Variants in COL6A2 observed in about 807,000 individuals in gnomAD.
COL6A2 encodes the protein collagen alpha-2(VI) chain.
A neutral mutation model predicts 124.9 loss-of-function variants in COL6A2; 90 were observed. The observed-to-expected ratio is 0.72, with a 90% CI of 0.61 to 0.86. The LOEUF (loss-of-function observed/expected upper bound fraction) is 0.86, where lower values mean the gene tolerates loss of function less well. COL6A2 is among the 40% of genes least tolerant of loss of function. The pLI is 0.00. For missense variants in COL6A2, 1,607 were observed against 1,502.5 expected, an observed-to-expected ratio of 1.07 and a Z score of -1.15; for synonymous variants, 793 against 618.2, an observed-to-expected ratio of 1.28 and a Z score of -4.19.
rs1555876000 is a variant in COL6A2, at chr21:46,126,468, C to CCTGG, written c.2423-34_2423-33insTGGC. ...CCGCTGAGGGTTCGCTAGGGACTGA[C>CCTGG]CCTGGCCTGGCCCGGCCTCTCTCCT... On this transcript the variant is annotated intron_variant, in intron 26 of 27. Transcript: ENST00000300527. 12 of 1,611,398 alleles carry CCTGG rather than the reference C, an allele frequency of 7.4e-6. No individual in the cohort carries two copies. The African/African-American group carries it at 1.6e-4, about 22-fold the overall frequency.
Position 46,132,291 on chromosome 21 carries a change from T to G in COL6A2, c.2799T>G (p.Arg933=). Residue 933 remains arginine (R), a synonymous_variant, in exon 28 of 28, where the codon CGT becomes CGG. Transcript: ENST00000300527. ...HAINAIVRSP[R]GGARRHAELS... is the part of the protein sequence containing the mutation. The stretch of plus-strand genomic sequence containing the variant: ...TCAATGCCATCGTGCGCAGCCCGCG[T>G]GGCGGGGCCCGGAGGCACGCAGAGC... The G allele has an allele frequency of 3.7e-6, 6 of 1,606,712 alleles. No homozygotes were observed. Among genetic ancestry groups the G allele is most frequent in the Non-Finnish European group, 5.1e-6 (6 of 1,179,310 alleles).
chr21:46,127,952 T>G (rs1159665790), intron 27 of COL6A2, among the ~76,000 whole-genome samples: 1 of 152,206 alleles, frequency 6.6e-6, no homozygotes, highest in Non-Finnish European at 1.5e-5. Context: ...CTGGCCGTGG[T>G]GTGTGGCCCT....
chr21:46,123,735 AGATGATG>A (rs919882994), intron 21 of COL6A2, among the ~76,000 whole-genome samples: 1 of 131,090 alleles, frequency 7.6e-6, no homozygotes, highest in Non-Finnish European at 1.7e-5. Flanking sequence ...GTGTGTGGTT[AGATGATG>A]GATGGCTGAA....
Position 46,125,468 on chromosome 21 carries a change from G to C in COL6A2, c.1820G>C (p.Cys607Ser). 1 of 1,612,698 alleles carries C rather than the reference G, an allele frequency of 6.2e-7. No individual in the cohort carries two copies. The highest frequency in any genetic ancestry group is 8.5e-7 in the Non-Finnish European group (1 of 1,179,780). ...YVRETCGCCD[C>S]EKRCGALDVV... ...GATGACCCTGCCACCCCCCCAGACT[G>C]TGAGAAGCGCTGTGGCGCCCTGGAC... The change falls in exon 25 of 28, where the codon TGT becomes TCT. Residue 607 changes from cysteine (C) to serine (S), a missense_variant. Around this residue, in one of 3 missense-constraint regions of COL6A2, gnomAD observed 1,223 missense variants for 1,052.2 expected, o/e 1.16. Transcript: ENST00000300527.
chr21:46,123,934 G>A lies in COL6A2; in HGVS notation c.1672-717G>A, dbSNP rs1370637749. 2.0e-5 allele frequency among the ~76,000 whole-genome samples: 3 copies of A among 149,284 alleles called. No individual in the cohort carries two copies. In the South Asian group the frequency reaches 6.5e-4, roughly 32 times the overall value. On this transcript the variant is annotated intron_variant, in intron 21 of 27. Transcript: ENST00000300527. Reference sequence around the variant, plus strand: ...GGGTGGATAGAGGATGGATGGTTGGGTAGGTGATGGGTGGATGAGTGGATA... The same window carrying A: ...GGGTGGATAGAGGATGGATGGTTGGATAGGTGATGGGTGGATGAGTGGATA...
chr21:46,123,252 C>A (rs977118393), intron 21 of COL6A2, among the ~76,000 whole-genome samples: 5 of 128,806 alleles, frequency 3.9e-5, no homozygotes, highest in African/African-American at 2.3e-4. Context: ...ACAGCATCCC[C>A]CACCAGGGTC....
intron 15 of COL6A2, 24 bp downstream of exon 15, chr21:46,119,874 C>A (rs768437720): frequency 1.9e-6 from 3 of 1,551,122 alleles, no homozygotes; most frequent in Admixed American, 3.9e-5. Context: ...TGGAGGCAGC[C>A]CAGGGTCTCA....
chr21:46,119,666 A>G (rs2078529441), intron 14 of COL6A2, 122 bp from the exon 15 acceptor site: 3 of 849,398 alleles, frequency 3.5e-6, no homozygotes, highest in Non-Finnish European at 5.7e-6. Flanking sequence ...TCGAGGTCCC[A>G]GGTCCCAAAG....
intron 21 of COL6A2, among the ~76,000 whole-genome samples, chr21:46,123,637 G>GTGGA (rs1008297930): frequency 3.3e-5 from 5 of 151,802 alleles, no homozygotes; most frequent in Non-Finnish European, 7.4e-5. Flanking sequence ...GAGTGGGTGG[G>GTGGA]TGGATGGATA....
At position 46,121,160 on chromosome 21, in the gene COL6A2, C is replaced by T. The variant is rs756093472; in HGVS notation, c.1458+37C>T. 4.4e-6 allele frequency: 7 copies of T among 1,602,014 alleles called. No individual in the cohort carries two copies. In the South Asian group the frequency reaches 6.6e-5, roughly 15 times the overall value. ...TGCAGGAGGCCGGTGCCCTCTGACC[C>T]CACGGGTGGGTCTCCCCTATCCATG... is the stretch of plus-strand genomic sequence containing the variant. On this transcript the variant is annotated intron_variant, in intron 17 of 27. Transcript: ENST00000300527.
intron 27 of COL6A2, among the ~76,000 whole-genome samples, chr21:46,131,144 T>C (rs1171397231): frequency 6.6e-6 from 1 of 152,044 alleles, no homozygotes; most frequent in Admixed American, 6.5e-5. Context: ...GTCCCTCCCC[T>C]CCCCCATCCC....
chr21:46,124,191 T>C (rs1255980910), intron 21 of COL6A2, among the ~76,000 whole-genome samples: 1 of 149,598 alleles, frequency 6.7e-6, no homozygotes, highest in Non-Finnish European at 1.5e-5. Flanking sequence ...GGTGGATGAA[T>C]GGATGGGTTA....
chr21:46,117,313 A>C (rs2078487630), intron 10 of COL6A2, 87 bp from the exon 11 acceptor site: 17 of 1,346,448 alleles, frequency 1.3e-5, no homozygotes, highest in Non-Finnish European at 1.5e-5. Flanking sequence ...CCTGCGGGGC[A>C]GAACCGGGTG....
Position 46,119,135 on chromosome 21 carries a change from C to T in COL6A2, c.1269+16C>T, listed in dbSNP as rs1198309700. The T allele has an allele frequency of 1.2e-6, 2 of 1,602,294 alleles. No individual in the cohort carries two copies. Among genetic ancestry groups the T allele is most frequent in the Non-Finnish European group, 8.5e-7 (1 of 1,172,738 alleles). ...AGGCGAGCCGGTGAGTCCCTCCTGC[C>T]CCTGCCTCAGGGCCCCGCTCTGGGC... On this transcript the variant is annotated intron_variant, in intron 14 of 27. Transcript: ENST00000300527.
At chr21:46,125,128 GAC>G in intron 23 of COL6A2, 136 bp from the exon 24 acceptor site, 1 of 1,049,090 alleles carries the variant, frequency 9.5e-7, no homozygotes. Context: ...GGTTGGTAGG[GAC>G]AGGACCCGCC....
At chr21:46,121,998 C>A in intron 18 of COL6A2, 110 bp from the exon 19 acceptor site, 1 of 1,167,156 alleles carries the variant, frequency 8.6e-7, no homozygotes, top group Non-Finnish European at 1.3e-6. Context: ...AACTCGACGG[C>A]ACCCCTAGCC....
chr21:46,121,239 C>G, intron 17 of COL6A2, 116 bp downstream of exon 17: 1 of 1,059,842 alleles, frequency 9.4e-7, no homozygotes, highest in Non-Finnish European at 1.4e-6. Flanking sequence ...GGCAGCAGAG[C>G]CTGGCCTCAG....
chr21:46,113,299 TG>T (rs2078429766), intron 4 of COL6A2, among the ~76,000 whole-genome samples: 2 of 152,180 alleles, frequency 1.3e-5, no homozygotes, highest in South Asian at 4.1e-4. Context: ...TCAGTAACAG[TG>T]GTTTCATTGC....
rs559666084 is a variant in COL6A2 at position 46,112,486 on chromosome 21, C to T, written c.623C>T (p.Pro208Leu). The change falls in exon 3 of 28, where the codon CCG becomes CTG. Residue 208 changes from proline (P) to leucine (L), a missense_variant. By Grantham distance (98) the Pro-to-Leu change is moderately conservative. Transcript: ENST00000300527. ...GGCCTGCGGGACATCGCCAGCACGC[C>T]GCACGAGCTCTACCGCAACGACTAC... The part of the protein sequence containing the change: ...EQGLRDIAST[P>L]HELYRNDYAT... The T allele has an allele frequency of 7.7e-5, 124 of 1,611,420 alleles. 1 individual carries two copies. The South Asian group carries it at 1.1e-3, about 14-fold the overall frequency.
Sources: allele counts gnomAD v4.1 joint callset (sites outside exome capture counted in the v4.1 genomes callset), GRCh38; gene constraint gnomAD v4.1.1; regional missense constraint gnomAD v4.1.1; transcripts MANE v1.5; gene names NCBI Gene and HGNC (gene_info 2026-07-23, HGNC 2026-07-21).